LRRC4C: variants seen among roughly 807,000 people sequenced by gnomAD.
LRRC4C encodes leucine-rich repeat-containing protein 4C.
LRRC4C carries 5 observed loss-of-function variants against 33.6 expected under a neutral mutation model. The observed-to-expected ratio is 0.15, with a 90% CI of 0.08 to 0.31. The LOEUF is 0.31. LRRC4C is among the 10% of genes least tolerant of loss of function. The pLI is 1.00. For missense variants in LRRC4C, 560 were observed against 796.7 expected (o/e 0.70, Z 3.58); for synonymous variants, 329 against 302.0 (o/e 1.09, Z -0.93).
chr11:40,211,144 A>G (rs1187112666), intron 5 of LRRC4C, among the ~76,000 whole-genome samples: 1 of 152,198 alleles, frequency 6.6e-6, no homozygotes, highest in African/African-American at 2.4e-5. Context: ...ATCTTGCAGT[A>G]CTTTACTTAT....
intron 3 of LRRC4C, among the ~76,000 whole-genome samples, chr11:40,548,043 T>C (rs1956995377): frequency 6.6e-6 from 1 of 152,018 alleles, no homozygotes; most frequent in African/African-American, 2.4e-5. Context: ...TGTCAAAGAT[T>C]AGTAAATGCT....
chr11:41,195,555 C>T (rs184901448), intron 1 of LRRC4C, among the ~76,000 whole-genome samples: 1 of 151,950 alleles, frequency 6.6e-6, no homozygotes, highest in Non-Finnish European at 1.5e-5. Context: ...ATTTCCCCCC[C>T]CAAATTATAA....
At chr11:41,146,339 A>C (rs2135938456) in intron 1 of LRRC4C, among the ~76,000 whole-genome samples, 1 of 152,320 alleles carries the variant, frequency 6.6e-6, no homozygotes, top group South Asian at 2.1e-4. Context: ...TGCTTAATTG[A>C]CTGAACTGTC....
intron 1 of LRRC4C, among the ~76,000 whole-genome samples, chr11:41,254,357 T>C (rs1044910494): frequency 6.6e-6 from 1 of 152,026 alleles, no homozygotes; most frequent in Admixed American, 6.6e-5. Context: ...GTTTGACATA[T>C]ATTCATTTTA....
intron 3 of LRRC4C, among the ~76,000 whole-genome samples, chr11:40,646,828 G>A (rs1356257675): frequency 3.9e-5 from 6 of 152,074 alleles, no homozygotes; most frequent in East Asian, 1.9e-4. Context: ...GGATGGTCTC[G>A]ATCTCCTGAC....
At chr11:41,201,895 TAC>T (rs1363435254) in intron 1 of LRRC4C, among the ~76,000 whole-genome samples, 3 of 120,098 alleles carry the variant, frequency 2.5e-5, no homozygotes, top group South Asian at 3.2e-4. Flanking sequence ...TTGGCTGCTC[TAC>T]ACACACACAC....
chr11:41,241,587 G>C (rs1948252811), intron 1 of LRRC4C, among the ~76,000 whole-genome samples: 1 of 152,118 alleles, frequency 6.6e-6, no homozygotes, highest in Admixed American at 6.5e-5. Flanking sequence ...AATAAAGTTT[G>C]AATATCTCTG....
intron 1 of LRRC4C, among the ~76,000 whole-genome samples, chr11:41,449,714 G>A (rs1299345206): frequency 6.6e-6 from 1 of 150,916 alleles, no homozygotes; most frequent in African/African-American, 2.4e-5. Flanking sequence ...CCCCTACCCA[G>A]GGATGATAGT....
intron 2 of LRRC4C, among the ~76,000 whole-genome samples, chr11:40,933,294 G>A (rs1047992166): frequency 6.6e-6 from 1 of 152,220 alleles, no homozygotes; most frequent in Non-Finnish European, 1.5e-5. Context: ...TGTGCCTCAA[G>A]GAGAAATGGA....
At chr11:40,382,030 C>A (rs925968921) in intron 3 of LRRC4C, among the ~76,000 whole-genome samples, 1 of 142,346 alleles carries the variant, frequency 7.0e-6, no homozygotes, top group Non-Finnish European at 1.5e-5. Context: ...AATCTCGGCT[C>A]ACTGCAAGCT....
At chr11:41,391,036 A>G (rs1266419096) in intron 1 of LRRC4C, among the ~76,000 whole-genome samples, 1 of 151,630 alleles carries the variant, frequency 6.6e-6, no homozygotes, top group Non-Finnish European at 1.5e-5. Context: ...GCATTTTGTG[A>G]AAGGGTAAAG....
chr11:40,951,459 ACT>A (rs1210020418), intron 1 of LRRC4C, among the ~76,000 whole-genome samples: 1 of 151,960 alleles, frequency 6.6e-6, no homozygotes, highest in East Asian at 1.9e-4. Context: ...GATAGTGAGG[ACT>A]TAAACATCAA....
intron 1 of LRRC4C, among the ~76,000 whole-genome samples, chr11:41,257,837 T>C (rs1046778259): frequency 2.0e-5 from 3 of 152,060 alleles, no homozygotes; most frequent in Non-Finnish European, 4.4e-5. Context: ...TTTCACTGTT[T>C]TCATGAAAAT....
chr11:41,035,842 T>C (rs1857031012), intron 1 of LRRC4C, among the ~76,000 whole-genome samples: 2 of 152,112 alleles, frequency 1.3e-5, no homozygotes, highest in South Asian at 4.1e-4. Context: ...GTGCATGCTT[T>C]AGGTAAAATA....
At chr11:41,299,737 T>C (rs1048786372) in intron 1 of LRRC4C, among the ~76,000 whole-genome samples, 10 of 152,134 alleles carry the variant, frequency 6.6e-5, no homozygotes, top group Admixed American at 6.5e-4. Context: ...AATAATCCAA[T>C]GCTATTTATA....
At chr11:40,923,131 CATCTTTCTGACCATCACTAATTAGAAAA>C (rs1957260546) in intron 2 of LRRC4C, among the ~76,000 whole-genome samples, 2 of 152,096 alleles carry the variant, frequency 1.3e-5, no homozygotes, top group African/African-American at 4.8e-5. Context: ...GCCTGTCATA[CATCTTTCTGACCATCACTAATTAGAAAA>C]CATTGTTACA....
chr11:40,984,317 AAAAGAAAAG>A (rs1424758299), intron 1 of LRRC4C, among the ~76,000 whole-genome samples: 3 of 150,888 alleles, frequency 2.0e-5, no homozygotes, highest in Non-Finnish European at 4.4e-5. Flanking sequence ...GAAAGAAAGA[AAAAGAAAAG>A]AAAGAAAGAA....
At chr11:40,420,978 C>T (rs916564657) in intron 3 of LRRC4C, among the ~76,000 whole-genome samples, 2 of 152,178 alleles carry the variant, frequency 1.3e-5, no homozygotes, top group African/African-American at 2.4e-5. Context: ...GTTAATCAAG[C>T]ATTTAAATAT....
chr11:41,399,263 C>T (rs887181369), intron 1 of LRRC4C, among the ~76,000 whole-genome samples: 7 of 151,864 alleles, frequency 4.6e-5, no homozygotes, highest in African/African-American at 1.7e-4. Context: ...TCCCCTGTTC[C>T]CATAAAATGC....
Sources: allele counts gnomAD v4.1 joint callset (sites outside exome capture counted in the v4.1 genomes callset), GRCh38; gene constraint gnomAD v4.1.1; transcripts MANE v1.5; gene names NCBI Gene and HGNC (gene_info 2026-07-23, HGNC 2026-07-21).